Variants in MCPH1 observed in about 807,000 individuals in gnomAD.
The protein encoded by MCPH1 is microcephalin 1.
MCPH1 carries 104 observed loss-of-function variants against 84.5 expected under a neutral mutation model. That is an observed-to-expected ratio of 1.23 (90% CI 1.05 to 1.45). The LOEUF is 1.45. Ranked by LOEUF, MCPH1 falls within the 40% of genes most tolerant of loss-of-function variation. The pLI is 0.00. For synonymous variants in MCPH1, 514 were observed against 366.8 expected, an observed-to-expected ratio of 1.40 and a Z score of -4.58; for missense variants, 1,498 against 1,005.7, an observed-to-expected ratio of 1.49 and a Z score of -6.62.
chr8:6,620,612 G>A (rs1831311219), intron 12 of MCPH1, among the ~76,000 whole-genome samples: 1 of 152,192 alleles, frequency 6.6e-6, no homozygotes. Context: ...ATTAATTTCA[G>A]ATATTGTAGG....
chr8:6,549,579 G>A (rs1823244765), intron 12 of MCPH1, among the ~76,000 whole-genome samples: 1 of 151,986 alleles, frequency 6.6e-6, no homozygotes, highest in Non-Finnish European at 1.5e-5. Flanking sequence ...CCGCGTGCAG[G>A]GCGGGAAGCC....
At chr8:6,560,860 T>C (rs771214556) in intron 12 of MCPH1, among the ~76,000 whole-genome samples, 4 of 152,238 alleles carry the variant, frequency 2.6e-5, no homozygotes, top group Non-Finnish European at 5.9e-5. Context: ...TGTAAGTTAA[T>C]TAAGCAAATA....
At chr8:6,467,244 G>T (rs887500538) in intron 9 of MCPH1, among the ~76,000 whole-genome samples, 7 of 152,216 alleles carry the variant, frequency 4.6e-5, no homozygotes, top group Non-Finnish European at 1.0e-4. Flanking sequence ...TGTCAAACCA[G>T]TGACTGGAGC....
At chr8:6,417,678 G>C (rs1339574820) in intron 3 of MCPH1, among the ~76,000 whole-genome samples, 1 of 152,028 alleles carries the variant, frequency 6.6e-6, no homozygotes, top group Non-Finnish European at 1.5e-5. Context: ...TTTCATGTGA[G>C]ATTTCTCACC....
At chr8:6,598,077 G>C (rs544946150) in intron 12 of MCPH1, among the ~76,000 whole-genome samples, 1 of 152,268 alleles carries the variant, frequency 6.6e-6, no homozygotes, top group African/African-American at 2.4e-5. Context: ...AGTTATACTT[G>C]TGCCTCCGCT....
At chr8:6,622,073 G>A (rs925633314) in intron 13 of MCPH1, 57 of 356,636 alleles carry the variant, frequency 1.6e-4, no homozygotes, top group Admixed American at 3.1e-4. Flanking sequence ...GGCAGCGCCC[G>A]GCACTGGGGC....
intron 8 of MCPH1, among the ~76,000 whole-genome samples, chr8:6,447,610 G>A (rs200516317): frequency 2.0e-5 from 3 of 152,158 alleles, no homozygotes; most frequent in East Asian, 3.9e-4. Flanking sequence ...GAGTGCAGTG[G>A]CACAATCTCA....
chr8:6,604,919 C>T (rs1829643759), intron 12 of MCPH1, among the ~76,000 whole-genome samples: 2 of 152,162 alleles, frequency 1.3e-5, no homozygotes, highest in Admixed American at 1.3e-4. Context: ...GGAGTAAGAG[C>T]AAGAAGATCA....
intron 12 of MCPH1, among the ~76,000 whole-genome samples, chr8:6,512,520 G>A (rs2129567248): frequency 6.6e-6 from 1 of 152,276 alleles, no homozygotes; most frequent in South Asian, 2.1e-4. Context: ...TGATCACGAG[G>A]CGCCACCAGT....
At chr8:6,603,970 C>T (rs1212844581) in intron 12 of MCPH1, among the ~76,000 whole-genome samples, 1 of 150,738 alleles carries the variant, frequency 6.6e-6, no homozygotes, top group Non-Finnish European at 1.5e-5. Flanking sequence ...GATTAAAAAT[C>T]AGTATTCAAC....
chr8:6,566,108 G>T (rs1341398757), intron 12 of MCPH1, among the ~76,000 whole-genome samples: 2 of 152,170 alleles, frequency 1.3e-5, no homozygotes, highest in Non-Finnish European at 2.9e-5. Context: ...GAGCGTGCTG[G>T]GCTCCAATAA....
At chr8:6,572,139 G>A (rs910125186) in intron 12 of MCPH1, among the ~76,000 whole-genome samples, 3 of 151,834 alleles carry the variant, frequency 2.0e-5, no homozygotes, top group African/African-American at 7.3e-5. Flanking sequence ...ACTGAAGAGA[G>A]GATGCAGTAT....
At chr8:6,416,228 GTAAA>G (rs1799270818) in intron 3 of MCPH1, among the ~76,000 whole-genome samples, 1 of 152,062 alleles carries the variant, frequency 6.6e-6, no homozygotes, top group Admixed American at 6.5e-5. Context: ...GTGTAATTTT[GTAAA>G]TAGAGATAGA....
intron 12 of MCPH1, among the ~76,000 whole-genome samples, chr8:6,538,133 A>G (rs1359765837): frequency 6.6e-6 from 1 of 151,824 alleles, no homozygotes; most frequent in African/African-American, 2.4e-5. Flanking sequence ...TGATCCATCC[A>G]TCTTCCCACC....
intron 3 of MCPH1, among the ~76,000 whole-genome samples, chr8:6,418,053 AAC>A (rs1459425302): frequency 6.6e-6 from 1 of 152,170 alleles, no homozygotes; most frequent in Non-Finnish European, 1.5e-5. Flanking sequence ...GTTTGCCTCA[AAC>A]ACATGTTGTT....
At chr8:6,407,363 G>A (rs991124926) in intron 1 of MCPH1, among the ~76,000 whole-genome samples, 3 of 152,010 alleles carry the variant, frequency 2.0e-5, no homozygotes, top group African/African-American at 7.2e-5. Context: ...TCATTTTACA[G>A]GCAGAAACTA....
At chr8:6,506,497 A>T (rs1352089308) in intron 12 of MCPH1, among the ~76,000 whole-genome samples, 2 of 152,188 alleles carry the variant, frequency 1.3e-5, no homozygotes, top group Non-Finnish European at 2.9e-5. Context: ...CTCAGCACAT[A>T]CGGGTGGTCT....
chr8:6,476,926 A>G (rs1808539086), intron 9 of MCPH1, among the ~76,000 whole-genome samples: 1 of 152,240 alleles, frequency 6.6e-6, no homozygotes. Context: ...CCAAATTGTT[A>G]AACAATAGTC....
intron 13 of MCPH1, among the ~76,000 whole-genome samples, chr8:6,634,050 C>G (rs1320960619): frequency 6.6e-6 from 1 of 152,040 alleles, no homozygotes; most frequent in Non-Finnish European, 1.5e-5. Context: ...AAGTTCTATG[C>G]TGAATGTGAT....
Sources: allele counts gnomAD v4.1 joint callset (sites outside exome capture counted in the v4.1 genomes callset), GRCh38; gene constraint gnomAD v4.1.1; transcripts MANE v1.5; gene names NCBI Gene and HGNC (gene_info 2026-07-23, HGNC 2026-07-21).